Variants in OR4K17 observed in about 807,000 individuals in gnomAD.
OR4K17 encodes olfactory receptor family 4 subfamily K member 17, also known as olfactory receptor 4K17.
For missense variants in OR4K17, 480 were observed against 366.3 expected (o/e 1.31, Z -2.53); for synonymous variants, 157 against 132.8 (o/e 1.18, Z -1.25).
At chr14:20,117,345 C>T (rs1249651079) in intron 1 of OR4K17, 123 bp from the exon 2 acceptor site, 4 of 1,126,696 alleles carry the variant, frequency 3.6e-6, no homozygotes, top group African/African-American at 1.6e-5. Context: ...TAGATACTGA[C>T]ACTAAATTTC....
chr14:20,116,395 A>T (rs1199122458), intron 1 of OR4K17, among the ~76,000 whole-genome samples: 3 of 152,122 alleles, frequency 2.0e-5, no homozygotes, highest in African/African-American at 7.2e-5. Context: ...ATTGGAACAT[A>T]GTGATCTACT....
At position 20,117,394 on chromosome 14, in the gene OR4K17, T is replaced by A. The variant is rs1878018396; in HGVS notation, c.-32-74T>A. On this transcript the variant is annotated intron_variant, in intron 1 of 1. Transcript: ENST00000641386. ...TGAAAGATCCAAAGGAATGCATAAGTTTGGTTTTTCATATGGCTCTTTATT... is the reference window on the plus strand; with the variant it reads ...TGAAAGATCCAAAGGAATGCATAAGATTGGTTTTTCATATGGCTCTTTATT... 1.9e-6 allele frequency: 3 copies of A among 1,556,562 alleles called. No homozygotes were observed. The East Asian group carries it at 6.7e-5, about 35-fold the overall frequency.
rs1878117751 is a variant in OR4K17 at position 20,119,819 on chromosome 14, C to T, written c.*1381C>T. ...TGTCACTGCCCTCCAGCCTGGGTGA[C>T]AGAGTGAGAGTCCATCTTAAAATAA... On this transcript the variant is annotated 3_prime_UTR_variant, in exon 2 of 2. Coordinates refer to ENST00000641386, the MANE Select transcript of OR4K17 (RefSeq NM_001004715.5). 6.6e-6 allele frequency: 1 copy of T among 152,096 alleles called. No individual in the cohort carries two copies. The highest frequency in any genetic ancestry group is 2.1e-4 in the South Asian group (1 of 4,820). 9.4% of individuals were successfully genotyped at this position (152,096 alleles called of 1,614,324 possible). A position where few individuals can be genotyped will look rare whatever the true frequency, so the allele number is the denominator to read the frequency against.
chr14:20,121,914 T>A lies in OR4K17; in HGVS notation c.*3476T>A, dbSNP rs923903202. The A allele has an allele frequency of 6.6e-6, 1 of 152,116 alleles. No individual in the cohort carries two copies. Among genetic ancestry groups the A allele is most frequent in the Non-Finnish European group, 1.5e-5 (1 of 67,964 alleles). The allele number at this position is 152,116 out of a possible 1,614,324, so 9.4% of individuals were successfully genotyped here. ...ATAATACAAAATTTTAAAACAAGTA[T>A]AACAACTATTTACATTTTATTTGAT... is the stretch of plus-strand genomic sequence containing the variant. On this transcript the variant is annotated 3_prime_UTR_variant, in exon 2 of 2. Coordinates refer to ENST00000641386, the MANE Select transcript of OR4K17 (RefSeq NM_001004715.5).
At chr14:20,115,746 G>A (rs1455133148) in intron 1 of OR4K17, among the ~76,000 whole-genome samples, 1 of 151,892 alleles carries the variant, frequency 6.6e-6, no homozygotes, top group African/African-American at 2.4e-5. Context: ...TATTAATTTG[G>A]GGGAGGACTA....
intron 1 of OR4K17, among the ~76,000 whole-genome samples, chr14:20,115,498 A>G (rs1458396570): frequency 6.6e-6 from 1 of 152,100 alleles, no homozygotes; most frequent in South Asian, 2.1e-4. Context: ...ATTACATCCT[A>G]TAATTTTCTA....
chr14:20,118,653 G>T lies in OR4K17; in HGVS notation c.*215G>T, dbSNP rs933166486. On this transcript the variant is annotated 3_prime_UTR_variant, in exon 2 of 2. Coordinates refer to ENST00000641386, the MANE Select transcript of OR4K17 (RefSeq NM_001004715.5). ...CAGGGGAGACATCACATGTCAGCGG[G>T]TTCCGTGATGCCCCCCAAGCTGCAA... The T allele has an allele frequency of 1.3e-5, 5 of 377,344 alleles. No individual in the cohort carries two copies. The highest frequency in any genetic ancestry group is 8.7e-5 in the Admixed American group (2 of 23,024). 23.4% of individuals were successfully genotyped at this position (377,344 alleles called of 1,614,324 possible).
chr14:20,116,295 GCTT>G (rs1342651775), intron 1 of OR4K17, among the ~76,000 whole-genome samples: 1 of 151,978 alleles, frequency 6.6e-6, no homozygotes, highest in Non-Finnish European at 1.5e-5. Flanking sequence ...TAATTATTCT[GCTT>G]CTTAATCAGA....
Position 20,112,799 on chromosome 14 carries a change from A to G in OR4K17, c.-33+1907A>G, listed in dbSNP as rs1325093487. Among the ~76,000 whole-genome samples the G allele has an allele frequency of 2.0e-5, 3 of 152,226 alleles. No homozygotes were observed. In the East Asian group the frequency reaches 5.8e-4, roughly 29 times the overall value. On this transcript the variant is annotated intron_variant, in intron 1 of 1. Coordinates refer to ENST00000641386, the MANE Select transcript of OR4K17 (RefSeq NM_001004715.5). ...TATATAAAAATCGAGAGGCAAAATC[A>G]TGTTAGATTTTTCCCTGAATTTCAA... is the stretch of plus-strand genomic sequence containing the variant.
Position 20,111,353 on chromosome 14 carries a change from G to T in OR4K17, c.-33+461G>T, listed in dbSNP as rs115700466. Among the ~76,000 whole-genome samples the T allele has an allele frequency of 3.7e-3, 565 of 152,116 alleles. 2 individuals are homozygous for T. Among genetic ancestry groups the T allele is most frequent in the African/African-American group, 0.013 (546 of 41,532 alleles). The stretch of plus-strand genomic sequence containing the variant: ...TCGACTGAGTCAGTTTCTTAGGAAA[G>T]TTTCCACTGAGAATGTATTGATTTG... On this transcript the variant is annotated intron_variant, in intron 1 of 1. Coordinates refer to ENST00000641386, the MANE Select transcript of OR4K17 (RefSeq NM_001004715.5).
At chr14:20,114,864 C>T (rs1412242385) in intron 1 of OR4K17, among the ~76,000 whole-genome samples, 3 of 152,050 alleles carry the variant, frequency 2.0e-5, no homozygotes, top group Non-Finnish European at 4.4e-5. Flanking sequence ...AGCATTGTAT[C>T]TAATTCTAAG....
chr14:20,112,050 G>A (rs1877894115), intron 1 of OR4K17: 1 of 152,006 alleles, frequency 6.6e-6, no homozygotes, highest in Admixed American at 6.6e-5. Flanking sequence ...AAGAAGTTTG[G>A]AACTTGTCAT....
intron 1 of OR4K17, among the ~76,000 whole-genome samples, chr14:20,116,946 G>A (rs150245716): frequency 1.4e-4 from 21 of 152,236 alleles, no homozygotes; most frequent in Middle Eastern, 3.4e-3. Context: ...TTGCAACCTC[G>A]CTAACTCACT....
chr14:20,121,165 T>A lies in OR4K17; in HGVS notation c.*2727T>A, dbSNP rs1878159049. ...GACTGCTCCAACAAATGCACAGAAA[T>A]CTGCTTAAGACAACAAGAAACACCA... On this transcript the variant is annotated 3_prime_UTR_variant, in exon 2 of 2. Transcript: ENST00000641386. The A allele has an allele frequency of 6.6e-6, 1 of 152,138 alleles. No homozygotes were observed. Among genetic ancestry groups the A allele is most frequent in the South Asian group, 2.1e-4 (1 of 4,820 alleles). The allele number at this position is 152,138 out of a possible 1,614,324, so 9.4% of individuals were successfully genotyped here. A position where few individuals can be genotyped will look rare whatever the true frequency, so the allele number is the denominator to read the frequency against.
rs1878067701 is a variant in OR4K17, at chr14:20,118,318, G to T, written c.819G>T (p.Val273=). 6.2e-7 allele frequency: 1 copy of T among 1,613,118 alleles called. No individual in the cohort carries two copies. Among genetic ancestry groups the T allele is most frequent in the Admixed American group, 1.7e-5 (1 of 59,980 alleles). Residue 273 remains valine, a synonymous_variant, in exon 2 of 2, where the codon GTG becomes GTT. Transcript: ENST00000641386. ...ACTCTGTAGATAAGTTCCTTGCTGT[G>T]TTTTATACCATCATCACTCCTATCT... ...GNHSVDKFLA[V]FYTIITPILN... is the part of the protein sequence containing the mutation.
Position 20,118,270 on chromosome 14 carries a change from CT to C in OR4K17, c.772del (p.Tyr258ThrfsTer10). On this transcript the variant is annotated frameshift_variant, in exon 2 of 2. Transcript: ENST00000641386. LOFTEE classifies it low-confidence loss of function (END_TRUNC). ...TCTTCTTTGGCCCATGCATCTTTAT[CT>C]ACATTTGGCCCTTCGGCAACCACTC... ...ILFFGPCIFI[Y>X]IWPFGNHSVD... is the part of the protein sequence containing the mutation. The C allele has an allele frequency of 6.2e-7, 1 of 1,614,022 alleles. No homozygotes were observed. Among genetic ancestry groups the C allele is most frequent in the Non-Finnish European group, 8.5e-7 (1 of 1,179,940 alleles).
At chr14:20,114,900 A>G (rs968025467) in intron 1 of OR4K17, among the ~76,000 whole-genome samples, 7 of 152,102 alleles carry the variant, frequency 4.6e-5, no homozygotes, top group African/African-American at 1.2e-4. Context: ...ACAAATAAAT[A>G]CTACTTGATT....
At chr14:20,117,428 A>G (rs2139055947) in intron 1 of OR4K17, 40 bp from the exon 2 acceptor site, 2 of 1,599,358 alleles carry the variant, frequency 1.3e-6, no homozygotes, top group East Asian at 2.2e-5. Context: ...TTTTTCACTC[A>G]TACTCCATGG....
chr14:20,112,936 G>A (rs1431740360), intron 1 of OR4K17, among the ~76,000 whole-genome samples: 1 of 152,028 alleles, frequency 6.6e-6, no homozygotes, highest in Non-Finnish European at 1.5e-5. Context: ...GCAAAATGCT[G>A]TAGGCATCCA....
Sources: allele counts gnomAD v4.1 joint callset (sites outside exome capture counted in the v4.1 genomes callset), GRCh38; gene constraint gnomAD v4.1.1; transcripts MANE v1.5; gene names NCBI Gene and HGNC (gene_info 2026-07-23, HGNC 2026-07-21).